The following MARS1 variants were observed in gnomAD, a reference collection of about 807,000 sequenced individuals.
The protein encoded by MARS1 is methionine--tRNA ligase, cytoplasmic.
A neutral mutation model predicts 119.5 loss-of-function variants in MARS1; 80 were observed. That is an observed-to-expected ratio of 0.67 (90% confidence interval 0.56 to 0.81). MARS1 has a LOEUF of 0.81. MARS1 is among the 30% of genes least tolerant of loss of function. The probability of loss-of-function intolerance (pLI) is 0.00; values close to 1 mark genes in which losing one functional copy is unlikely to be tolerated. For synonymous variants in MARS1, 418 were observed against 433.4 expected, an observed-to-expected ratio of 0.96 and a Z score of 0.44; for missense variants, 945 against 1,116.5, an observed-to-expected ratio of 0.85 and a Z score of 2.19.
intron 15 of MARS1, among the ~76,000 whole-genome samples, chr12:57,513,768 T>C (rs1048085121): frequency 5.3e-5 from 8 of 152,246 alleles, no homozygotes; most frequent in Non-Finnish European, 1.2e-4. Context: ...TCACACTCTC[T>C]GAGCCCTGGA....
At position 57,504,314 on chromosome 12, in the gene MARS1, C is replaced by T. The variant is rs371511467; in HGVS notation, c.1368+15C>T. ...ACCTGCCTAAGGTAAGTGAGCTTTT[C>T]TCTCAACCTAGTTTTCAGGAGGCCT... On this transcript the variant is annotated intron_variant, in intron 11 of 20. Transcript: ENST00000262027. The T allele has an allele frequency of 3.7e-6, 6 of 1,612,090 alleles. No individual in the cohort carries two copies. Among genetic ancestry groups the T allele is most frequent in the Middle Eastern group, 1.6e-4 (1 of 6,084 alleles).
intron 11 of MARS1, among the ~76,000 whole-genome samples, chr12:57,511,025 G>T (rs949024629): frequency 2.6e-5 from 4 of 152,008 alleles, no homozygotes; most frequent in African/African-American, 9.7e-5. Context: ...AGTGAGCCAT[G>T]ATGTGCCACT....
chr12:57,490,355 A>C lies in MARS1; in HGVS notation c.639A>C (p.Gly213=). Residue 213 remains glycine (G), a synonymous_variant, in exon 6 of 21, where the codon GGA becomes GGC. Coordinates refer to ENST00000262027, the MANE Select transcript of MARS1 (RefSeq NM_004990.4). ...AGCCCCAGCCCAGCCCCGCTGAGGGAAGGGCTGTCACCAATGAGCCTGAGG... is the reference window on the plus strand; with the variant it reads ...AGCCCCAGCCCAGCCCCGCTGAGGGCAGGGCTGTCACCAATGAGCCTGAGG... The part of the protein sequence containing the change: ...QKQPQPSPAE[G]RAVTNEPEEE... The C allele has an allele frequency of 6.2e-7, 1 of 1,612,592 alleles. No homozygotes were observed. Among genetic ancestry groups the C allele is most frequent in the African/African-American group, 1.3e-5 (1 of 74,982 alleles).
rs1462528370 is a variant in MARS1, at chr12:57,515,865, C to G, written c.2392-55C>G. Reference sequence around the variant, plus strand: ...GGGTTGGAGAGGTCATCTGTATAGTCTATGGTAGAGTCTGTATCCAATCAG... The same window carrying G: ...GGGTTGGAGAGGTCATCTGTATAGTGTATGGTAGAGTCTGTATCCAATCAG... On this transcript the variant is annotated intron_variant, in intron 18 of 20. Coordinates refer to ENST00000262027, the MANE Select transcript of MARS1 (RefSeq NM_004990.4). 2.2e-6 allele frequency: 3 copies of G among 1,381,022 alleles called. No individual in the cohort carries two copies. The African/African-American group carries it at 4.3e-5, about 20-fold the overall frequency. 85.5% of individuals were successfully genotyped at this position (1,381,022 alleles called of 1,614,324 possible).
chr12:57,490,084 CAGA>C, intron 5 of MARS1, 113 bp downstream of exon 5: 1 of 1,438,984 alleles, frequency 6.9e-7, no homozygotes, highest in Non-Finnish European at 9.7e-7. Context: ...GCAACTATAG[CAGA>C]AGATGGTTGA....
At chr12:57,508,699 A>AGGTAGAGGTAGAG (rs71280717) in intron 11 of MARS1, among the ~76,000 whole-genome samples, 4,295 of 145,728 alleles carry the variant, frequency 0.029, 129 homozygotes, top group African/African-American at 0.071. Context: ...GTAGAGGTAG[A>AGGTAGAGGTAGAG]GGTAGAGGGT....
chr12:57,515,608 G>GC (rs1877764491), intron 18 of MARS1: 4 of 567,134 alleles, frequency 7.1e-6, no homozygotes, highest in Non-Finnish European at 1.2e-5. Context: ...CATAATGCTA[G>GC]CAGATAGTGG....
intron 1 of MARS1, 27 bp from the exon 2 acceptor site, chr12:57,488,992 T>C (rs767613510): frequency 2.0e-6 from 3 of 1,504,064 alleles, no homozygotes; most frequent in Non-Finnish European, 2.8e-6. Flanking sequence ...TTTTTTTTTT[T>C]TAACCCATTT....
intron 9 of MARS1, among the ~76,000 whole-genome samples, chr12:57,499,907 CA>C (rs764717879): frequency 6.6e-6 from 1 of 151,986 alleles, no homozygotes; most frequent in East Asian, 1.9e-4. Flanking sequence ...TCAAAACAAA[CA>C]AAAAAACCCC....
In MARS1 at chr12:57,490,206, G is replaced by A. The variant is rs1594807426; in HGVS notation, c.491-1G>A. The A allele has an allele frequency of 3.1e-6, 5 of 1,611,502 alleles. No individual in the cohort carries two copies. Among genetic ancestry groups the A allele is most frequent in the Non-Finnish European group, 4.2e-6 (5 of 1,179,090 alleles). ...GATTTTCTTTTCTTCCATACCCACAGAGGAGCTGAGTGCCCTGCACAGCTG... is the reference window on the plus strand; with the variant it reads ...GATTTTCTTTTCTTCCATACCCACAAAGGAGCTGAGTGCCCTGCACAGCTG... On this transcript the variant is annotated splice_acceptor_variant, in intron 5 of 20. Transcript: ENST00000262027. LOFTEE classifies it high-confidence loss of function.
chr12:57,497,550 G>C (rs1299183125), intron 7 of MARS1, among the ~76,000 whole-genome samples: 4 of 152,166 alleles, frequency 2.6e-5, no homozygotes, highest in African/African-American at 9.7e-5. Context: ...ACAGCAGGTT[G>C]AATGGCATGA....
intron 13 of MARS1, 23 bp downstream of exon 13, chr12:57,512,126 G>A: frequency 1.9e-6 from 3 of 1,611,716 alleles, no homozygotes; most frequent in Non-Finnish European, 2.5e-6. Flanking sequence ...TGGTTAGGCT[G>A]TGCATGGGGA....
Position 57,489,502 on chromosome 12 carries a change from G to A in MARS1, c.358G>A (p.Ala120Thr). 6.2e-7 allele frequency: 1 copy of A among 1,614,182 alleles called. No homozygotes were observed. ...GEDVLGSVRR[A>T]LTHIDHSLSR... ...AGATGTTCTTGGTTCAGTGCGGAGAGCCCTGACTCACATTGACCACAGCTT... is the reference window on the plus strand; with the variant it reads ...AGATGTTCTTGGTTCAGTGCGGAGAACCCTGACTCACATTGACCACAGCTT... Residue 120 changes from alanine (A) to threonine (T), a missense_variant, in exon 4 of 21, where the codon GCC becomes ACC. Coordinates refer to ENST00000262027, the MANE Select transcript of MARS1 (RefSeq NM_004990.4).
Position 57,489,009 on chromosome 12 carries a change from C to T in MARS1, c.110-10C>T, listed in dbSNP as rs113549256. On this transcript the variant is annotated splice_polypyrimidine_tract_variant and intron_variant, in intron 1 of 20. Coordinates refer to ENST00000262027, the MANE Select transcript of MARS1 (RefSeq NM_004990.4). ...TTTTTTTTTTAACCCATTTTCCATT[C>T]TTGCATCAGATTGTGTGGTCCCGTT... The T allele has an allele frequency of 1.7e-4, 265 of 1,582,850 alleles. No individual in the cohort carries two copies. Among genetic ancestry groups the T allele is most frequent in the Non-Finnish European group, 2.0e-4 (231 of 1,158,182 alleles).
chr12:57,500,349 C>T lies in MARS1; in HGVS notation c.1120C>T (p.Leu374=). The T allele has an allele frequency of 6.2e-7, 1 of 1,614,190 alleles. No individual in the cohort carries two copies. The highest frequency in any genetic ancestry group is 2.2e-5 in the East Asian group (1 of 44,886). The change falls in exon 10 of 21, where the codon CTG becomes TTG. Residue 374 remains leucine (L), a synonymous_variant. Coordinates refer to ENST00000262027, the MANE Select transcript of MARS1 (RefSeq NM_004990.4). Reference sequence around the variant, plus strand: ...CACCCAGGACATTTTCCAGCAGTTGCTGAAACGAGGTTTTGTGCTGCAAGA... The same window carrying T: ...CACCCAGGACATTTTCCAGCAGTTGTTGAAACGAGGTTTTGTGCTGCAAGA... ...KITQDIFQQL[L]KRGFVLQDTV...
At chr12:57,505,028 T>C (rs1877116088) in intron 11 of MARS1, among the ~76,000 whole-genome samples, 2 of 151,920 alleles carry the variant, frequency 1.3e-5, no homozygotes, top group African/African-American at 2.4e-5. Context: ...TAAAATGCTT[T>C]TGTAGAGATG....
intron 10 of MARS1, among the ~76,000 whole-genome samples, chr12:57,502,712 AAAAAAAAAAAGCAACAACAAC>A (rs1876979549): frequency 6.7e-6 from 1 of 149,264 alleles, no homozygotes; most frequent in Non-Finnish European, 1.5e-5. Flanking sequence ...TCTCAAAAAA[AAAAAAAAAAAGCAACAACAAC>A]AAAAAAAAAA....
intron 7 of MARS1, among the ~76,000 whole-genome samples, chr12:57,492,669 TCACACACACACACACACA>T (rs58931225): frequency 7.3e-4 from 102 of 139,550 alleles, no homozygotes; most frequent in African/African-American, 1.6e-3. Context: ...CGACTCCATT[TCACACACACACACACACA>T]CACACACACA....
intron 11 of MARS1, 114 bp from the exon 12 acceptor site, chr12:57,511,583 CA>C (rs965917822): frequency 8.4e-4 from 880 of 1,050,938 alleles, no homozygotes; most frequent in Non-Finnish European, 9.6e-4. Flanking sequence ...ACTCTGTCTC[CA>C]AAAAAAAAGT....
Sources: gnomAD v4.1 joint callset for allele counts (sites outside exome capture counted in the v4.1 genomes callset) on GRCh38, gnomAD v4.1.1 for gene constraint, MANE v1.5 for transcripts, NCBI Gene and HGNC (gene_info 2026-07-23, HGNC 2026-07-21) for gene names.